Variants in PACRG observed in about 807,000 individuals in gnomAD.
PACRG encodes the protein parkin coregulated.
A neutral mutation model predicts 29.7 loss-of-function variants in PACRG; 29 were observed. That is an observed-to-expected ratio of 0.98 (90% CI 0.73 to 1.33). The LOEUF (loss-of-function observed/expected upper bound fraction) is 1.33, where lower values mean the gene tolerates loss of function less well. PACRG is among the 40% of genes most tolerant of loss of function. PACRG has a pLI of 0.00. For missense variants in PACRG, 279 were observed against 316.2 expected, an observed-to-expected ratio of 0.88 and a Z score of 0.89; for synonymous variants, 116 against 118.7, an observed-to-expected ratio of 0.98 and a Z score of 0.15.
chr6:163,299,623 G>A (rs879393344), intron 4 of PACRG, among the ~76,000 whole-genome samples: 1 of 152,240 alleles, frequency 6.6e-6, no homozygotes, highest in Non-Finnish European at 1.5e-5. Context: ...GCTCGTGCCT[G>A]TAATCCCAGC....
intron 4 of PACRG, among the ~76,000 whole-genome samples, chr6:163,314,440 C>G (rs555700706): frequency 6.6e-6 from 1 of 152,138 alleles, no homozygotes. Context: ...TTAAATCACA[C>G]GGAACGAACA....
intron 2 of PACRG, among the ~76,000 whole-genome samples, chr6:162,883,652 G>A (rs552463496): frequency 1.3e-5 from 2 of 151,818 alleles, no homozygotes; most frequent in Non-Finnish European, 2.9e-5. Context: ...AACATCAAGT[G>A]GTTCAGAAGG....
At chr6:163,092,983 C>T (rs1044529320) in intron 4 of PACRG, among the ~76,000 whole-genome samples, 1 of 152,172 alleles carries the variant, frequency 6.6e-6, no homozygotes, top group Non-Finnish European at 1.5e-5. Flanking sequence ...CCCGGTCTCA[C>T]CAGCTGCATC....
chr6:163,266,011 C>G (rs754325774), intron 4 of PACRG, among the ~76,000 whole-genome samples: 2 of 152,174 alleles, frequency 1.3e-5, no homozygotes, highest in Non-Finnish European at 1.5e-5. Flanking sequence ...CAATTATCTT[C>G]TCATAAGACA....
intron 1 of PACRG, among the ~76,000 whole-genome samples, chr6:162,730,683 T>C (rs1779697850): frequency 6.6e-6 from 1 of 152,006 alleles, no homozygotes; most frequent in Admixed American, 6.6e-5. Flanking sequence ...AATGGCAAAA[T>C]TTTTAAAATC....
At chr6:163,195,098 T>C (rs1780390973) in intron 4 of PACRG, among the ~76,000 whole-genome samples, 1 of 152,144 alleles carries the variant, frequency 6.6e-6, no homozygotes, top group Admixed American at 6.5e-5. Context: ...ACCCCGACTC[T>C]CACCATGTCA....
At chr6:162,947,709 A>C (rs2128129072) in intron 2 of PACRG, among the ~76,000 whole-genome samples, 1 of 141,804 alleles carries the variant, frequency 7.1e-6, no homozygotes, top group African/African-American at 2.6e-5. Context: ...AAGTTGCAGG[A>C]TACAAAATCA....
At chr6:163,121,221 AATATT>A (rs1585239484) in intron 4 of PACRG, among the ~76,000 whole-genome samples, 1 of 152,228 alleles carries the variant, frequency 6.6e-6, no homozygotes, top group East Asian at 1.9e-4. Context: ...GTGAAGAACA[AATATT>A]ATAAAGGACC....
At chr6:163,196,357 A>G (rs1780452997) in intron 4 of PACRG, among the ~76,000 whole-genome samples, 1 of 152,180 alleles carries the variant, frequency 6.6e-6, no homozygotes, top group Admixed American at 6.5e-5. Flanking sequence ...CTTTTCGCCA[A>G]CATGTATCCG....
intron 2 of PACRG, among the ~76,000 whole-genome samples, chr6:163,043,858 C>T (rs528053163): frequency 1.3e-5 from 2 of 152,266 alleles, no homozygotes; most frequent in South Asian, 2.1e-4. Flanking sequence ...GTTTGAGATG[C>T]AGTTTATGAG....
At chr6:163,187,557 C>T (rs1780005613) in intron 4 of PACRG, 1 of 152,294 alleles carries the variant, frequency 6.6e-6, no homozygotes, top group South Asian at 2.1e-4. Flanking sequence ...CCATCCAAAC[C>T]CATCGGCAGC....
At chr6:162,780,451 A>G (rs1784010608) in intron 1 of PACRG, among the ~76,000 whole-genome samples, 1 of 152,224 alleles carries the variant, frequency 6.6e-6, no homozygotes, top group South Asian at 2.1e-4. Flanking sequence ...AAATTTCAAA[A>G]ATATTTATAG....
intron 2 of PACRG, among the ~76,000 whole-genome samples, chr6:163,054,882 G>A (rs1401648445): frequency 6.6e-6 from 1 of 152,126 alleles, no homozygotes; most frequent in Non-Finnish European, 1.5e-5. Flanking sequence ...CTTCTCCAAG[G>A]ACCGCCTCCC....
intron 2 of PACRG, among the ~76,000 whole-genome samples, chr6:162,972,327 C>T (rs1324302652): frequency 6.6e-6 from 1 of 152,170 alleles, no homozygotes. Flanking sequence ...ATCTGACTCG[C>T]ACATGTAGCA....
intron 4 of PACRG, among the ~76,000 whole-genome samples, chr6:163,195,282 A>G (rs1467880528): frequency 2.0e-5 from 3 of 152,288 alleles, no homozygotes; most frequent in Admixed American, 2.0e-4. Context: ...TGTTTATTTC[A>G]TTTATAATTC....
At chr6:163,279,875 T>A (rs944802858) in intron 4 of PACRG, among the ~76,000 whole-genome samples, 2 of 152,230 alleles carry the variant, frequency 1.3e-5, no homozygotes, top group African/African-American at 4.8e-5. Flanking sequence ...AGATTATTCC[T>A]ATGTTATTGA....
intron 1 of PACRG, among the ~76,000 whole-genome samples, chr6:162,747,421 TAA>T (rs1406666821): frequency 9.2e-6 from 1 of 109,284 alleles, no homozygotes; most frequent in Non-Finnish European, 1.8e-5. Flanking sequence ...TATATAACTA[TAA>T]ATATATATGT....
At position 163,089,253 on chromosome 6, in the gene PACRG, A is replaced by G. The variant is rs369641428; in HGVS notation, c.464-6A>G. ...TTTTCTGCTTGGTCCTTCTTTTACC[A>G]TATAGATGCCTTGAACCTCCGAAAC... On this transcript the variant is annotated splice_polypyrimidine_tract_variant and splice_region_variant and intron_variant, in intron 3 of 4. Transcript: ENST00000366888. The G allele has an allele frequency of 7.9e-5, 127 of 1,612,804 alleles. 1 individual carries two copies. The highest frequency in any genetic ancestry group is 1.0e-4 in the Non-Finnish European group (120 of 1,179,262).
At chr6:163,181,092 T>TCAGCTGTGCGGG (rs1217373667) in intron 4 of PACRG, among the ~76,000 whole-genome samples, 1 of 152,160 alleles carries the variant, frequency 6.6e-6, no homozygotes, top group Non-Finnish European at 1.5e-5. Flanking sequence ...AACCATCTAT[T>TCAGCTGTGCGGG]CAGCTGTGCG....
Sources: gnomAD v4.1 joint callset for allele counts (sites outside exome capture counted in the v4.1 genomes callset) on GRCh38, gnomAD v4.1.1 for gene constraint, MANE v1.5 for transcripts, NCBI Gene and HGNC (gene_info 2026-07-23, HGNC 2026-07-21) for gene names.